The following METTL4 variants were observed in gnomAD, a reference collection of about 807,000 sequenced individuals.
METTL4 encodes the protein methyltransferase 4, N6-adenosine.
Under a neutral mutation model 54.0 loss-of-function variants are expected in METTL4, and 40 were observed. That is an observed-to-expected ratio of 0.74 (90% CI 0.58 to 0.96). METTL4 has a LOEUF of 0.96. Among genes scored for constraint, METTL4 ranks in the 50% least tolerant of loss-of-function variants. The pLI, the probability that METTL4 is intolerant of heterozygous loss-of-function variation, is 0.00. For missense variants in METTL4, 525 were observed against 549.0 expected, an observed-to-expected ratio of 0.96 and a Z score of 0.44; for synonymous variants, 169 against 183.8, an observed-to-expected ratio of 0.92 and a Z score of 0.65.
Position 2,571,327 on chromosome 18 carries a change from A to T in METTL4, c.-617T>A, listed in dbSNP as rs962267533. ...TGTACGGAAAAACGTTTCCAGGGCG[A>T]GTTGAGCGTTCAGGGCACTCCTCGG... On this transcript the variant is annotated 5_prime_UTR_variant, in exon 1 of 9. Transcript: ENST00000574538. 4 of 152,220 alleles carry T rather than the reference A, an allele frequency of 2.6e-5. No individual in the cohort carries two copies. The highest frequency in any genetic ancestry group is 5.9e-5 in the Non-Finnish European group (4 of 68,060). The allele number at this position is 152,220 out of a possible 1,614,324, so 9.4% of individuals were successfully genotyped here.
Position 2,539,086 on chromosome 18 carries a change from A to T in METTL4, c.1333T>A (p.Leu445Ile). 1 of 1,613,972 alleles carries T rather than the reference A, an allele frequency of 6.2e-7. No homozygotes were observed. Among genetic ancestry groups the T allele is most frequent in the Non-Finnish European group, 8.5e-7 (1 of 1,179,872 alleles). ...GEYLELFARN[L>I]QPGWTSWGNE... ...CCCCAACTAGTCCAACCTGGCTGTA[A>T]ATTTCGAGCAAACAACTCCAAATAT... The change falls in exon 9 of 9, where the codon TTA becomes ATA. Residue 445 changes from leucine (L) to isoleucine (I), a missense_variant. Coordinates refer to ENST00000574538, the MANE Select transcript of METTL4 (RefSeq NM_022840.5).
rs560140173 is a variant in METTL4 at position 2,537,793 on chromosome 18, C to T, written c.*1207G>A. 1.3e-5 allele frequency: 5 copies of T among 397,994 alleles called. No homozygotes were observed. The highest frequency in any genetic ancestry group is 8.8e-5 in the Admixed American group (2 of 22,684). 24.7% of individuals were successfully genotyped at this position (397,994 alleles called of 1,614,324 possible). On this transcript the variant is annotated 3_prime_UTR_variant, in exon 9 of 9. Coordinates refer to ENST00000574538, the MANE Select transcript of METTL4 (RefSeq NM_022840.5). ...TATAAATGCTTTTCTCAAAATGCTACGTGAAAGAAGCCAGGCACAATAGAT... is the reference window on the plus strand; with the variant it reads ...TATAAATGCTTTTCTCAAAATGCTATGTGAAAGAAGCCAGGCACAATAGAT...
At chr18:2,570,189 G>C (rs1399123790) in intron 1 of METTL4, among the ~76,000 whole-genome samples, 2 of 152,208 alleles carry the variant, frequency 1.3e-5, no homozygotes, top group Non-Finnish European at 2.9e-5. Flanking sequence ...AGCTTGAAAT[G>C]TGACAACCGG....
rs191246366 is a variant in METTL4 at position 2,566,814 on chromosome 18, T to C, written c.396+7A>G. The C allele has an allele frequency of 2.9e-5, 44 of 1,539,348 alleles. No individual in the cohort carries two copies. The highest frequency in any genetic ancestry group is 5.6e-5 in the African/African-American group (4 of 71,910). On this transcript the variant is annotated splice_region_variant and intron_variant, in intron 2 of 8. Coordinates refer to ENST00000574538, the MANE Select transcript of METTL4 (RefSeq NM_022840.5). ...GAGAAAAATAAATATTTCTTAAAAC[T>C]TTCTACCTTCCCAATAATAGAAATG...
At chr18:2,542,398 T>C (rs866562800) in intron 8 of METTL4, among the ~76,000 whole-genome samples, 4 of 130,558 alleles carry the variant, frequency 3.1e-5, no homozygotes, top group African/African-American at 1.2e-4. Flanking sequence ...GATGTTCCCC[T>C]TCCTGTTTAT....
At chr18:2,551,154 A>G (rs1182622147) in intron 5 of METTL4, among the ~76,000 whole-genome samples, 4 of 126,798 alleles carry the variant, frequency 3.2e-5, no homozygotes, top group African/African-American at 1.3e-4. Flanking sequence ...ACAGAACGAG[A>G]CTCCGTCTCA....
chr18:2,545,905 A>G lies in METTL4; in HGVS notation c.1075-1146T>C, dbSNP rs1414800935. Among the ~76,000 whole-genome samples the G allele has an allele frequency of 5.3e-5, 8 of 152,146 alleles. No homozygotes were observed. The South Asian group carries it at 1.0e-3, about 20-fold the overall frequency. On this transcript the variant is annotated intron_variant, in intron 6 of 8. Transcript: ENST00000574538. ...TTTTAAATTCTGGTCTTATCATACC[A>G]TCTCTTAGAACTGATAACTACTACG...
intron 6 of METTL4, among the ~76,000 whole-genome samples, chr18:2,544,960 A>G (rs1418227613): frequency 6.6e-6 from 1 of 152,182 alleles, no homozygotes; most frequent in Non-Finnish European, 1.5e-5. Context: ...TTTTAATTAT[A>G]TATTTAATTC....
chr18:2,567,933 A>G lies in METTL4; in HGVS notation c.-438-279T>C, dbSNP rs370934664. Among the ~76,000 whole-genome samples the G allele has an allele frequency of 2.4e-4, 36 of 152,342 alleles. 2 individuals are homozygous for G. In the East Asian group the frequency reaches 3.9e-3, roughly 16 times the overall value. ...CATCAGAAGCACTAAACCCTAGCAAAACCGCAAGGTTAAGAGTCTAGATCT... is the reference window on the plus strand; with the variant it reads ...CATCAGAAGCACTAAACCCTAGCAAGACCGCAAGGTTAAGAGTCTAGATCT... On this transcript the variant is annotated intron_variant, in intron 1 of 8. Transcript: ENST00000574538.
At chr18:2,540,981 GT>G in intron 8 of METTL4, 3 of 926,712 alleles carry the variant, frequency 3.2e-6, no homozygotes, top group Non-Finnish European at 2.6e-6. Flanking sequence ...TTTTATGAGA[GT>G]TTACAATCTA....
rs375410633 is a variant in METTL4, at chr18:2,563,801, G to T, written c.455C>A (p.Thr152Lys). The T allele has an allele frequency of 1.2e-6, 2 of 1,602,230 alleles. No individual in the cohort carries two copies. The highest frequency in any genetic ancestry group is 1.7e-6 in the Non-Finnish European group (2 of 1,173,066). ...CAATGAACATTTTACACTTACCTTTGTATGGTATTCCATAGCATCCAATTC... is the reference window on the plus strand; with the variant it reads ...CAATGAACATTTTACACTTACCTTTTTATGGTATTCCATAGCATCCAATTC... ...QGELDAMEYH[T>K]KIRELILDGS... The change falls in exon 3 of 9, where the codon ACA becomes AAA. Residue 152 changes from threonine to lysine, a missense_variant. By Grantham distance (78) the Thr-to-Lys change is moderately conservative. Coordinates refer to ENST00000574538, the MANE Select transcript of METTL4 (RefSeq NM_022840.5).
chr18:2,546,390 T>C (rs1234016236), intron 6 of METTL4, among the ~76,000 whole-genome samples: 1 of 152,098 alleles, frequency 6.6e-6, no homozygotes, highest in Non-Finnish European at 1.5e-5. Context: ...AGCTTTCTCA[T>C]AGGTATGTAT....
At chr18:2,564,006 A>T (rs9965478) in intron 2 of METTL4, 147 bp from the exon 3 acceptor site, 57,515 of 546,678 alleles carry the variant, frequency 0.11, 3,494 homozygotes, top group Non-Finnish European at 0.12. Flanking sequence ...AATCAATGCA[A>T]AGGGTATGGA....
chr18:2,562,937 TACA>T (rs749303849), intron 3 of METTL4, among the ~76,000 whole-genome samples: 27 of 142,182 alleles, frequency 1.9e-4, no homozygotes, highest in Non-Finnish European at 9.3e-5. Flanking sequence ...TATATTCTAC[TACA>T]ACAAGAAAGA....
At position 2,569,351 on chromosome 18, in the gene METTL4, A is replaced by T. The variant is rs556720621; in HGVS notation, c.-438-1697T>A. Among the ~76,000 whole-genome samples, 4 of 152,340 alleles carry T rather than the reference A, an allele frequency of 2.6e-5. 1 individual carries two copies. The highest frequency in any genetic ancestry group is 4.1e-4 in the South Asian group (2 of 4,824). On this transcript the variant is annotated intron_variant, in intron 1 of 8. Transcript: ENST00000574538. Reference sequence around the variant, plus strand: ...ACAAATCATCCTGTCAAGCGACAGGATCAAGCAAGTATATTTAAATTGATT... The same window carrying T: ...ACAAATCATCCTGTCAAGCGACAGGTTCAAGCAAGTATATTTAAATTGATT...
intron 8 of METTL4, chr18:2,540,326 A>T (rs1337380002): frequency 1.0e-6 from 1 of 983,452 alleles, no homozygotes; most frequent in African/African-American, 1.7e-5. Context: ...TAGAAAAGGT[A>T]AAATATGGTT....
At chr18:2,563,651 T>A in intron 3 of METTL4, 146 bp downstream of exon 3, 14 of 357,314 alleles carry the variant, frequency 3.9e-5, no homozygotes, top group East Asian at 1.2e-4. Context: ...TGCATTACTA[T>A]AAAATTAACA....
At chr18:2,545,704 G>A (rs1170288953) in intron 6 of METTL4, among the ~76,000 whole-genome samples, 1 of 152,022 alleles carries the variant, frequency 6.6e-6, no homozygotes, top group Non-Finnish European at 1.5e-5. Flanking sequence ...TCAGTAATCA[G>A]AAAGTCTTTT....
chr18:2,540,122 G>C, intron 8 of METTL4: 1 of 983,978 alleles, frequency 1.0e-6, no homozygotes, highest in Non-Finnish European at 1.2e-6. Context: ...GTATTTTGTT[G>C]GGGAAAGAGC....
Sources: gnomAD v4.1 joint callset for allele counts (sites outside exome capture counted in the v4.1 genomes callset) on GRCh38, gnomAD v4.1.1 for gene constraint, MANE v1.5 for transcripts, NCBI Gene and HGNC (gene_info 2026-07-23, HGNC 2026-07-21) for gene names.